ANKRD30B: variants seen among roughly 807,000 people sequenced by gnomAD.
The protein encoded by ANKRD30B is ankyrin repeat domain-containing protein 30B.
ANKRD30B carries 144 observed loss-of-function variants against 202.2 expected under a neutral mutation model. The observed-to-expected ratio is 0.71, with a 90% CI of 0.62 to 0.82. The LOEUF (loss-of-function observed/expected upper bound fraction) is 0.82. ANKRD30B is among the 40% of genes least tolerant of loss of function. The pLI is 0.00. For missense variants in ANKRD30B, 1,487 were observed against 1,669.1 expected (o/e 0.89, Z 1.90); for synonymous variants, 508 against 561.3 (o/e 0.91, Z 1.34).
chr18:14,856,327 G>T (rs1234507237), downstream of ANKRD30B, among the ~76,000 whole-genome samples: 9 of 116,336 alleles, frequency 7.7e-5, no homozygotes, highest in East Asian at 1.8e-3. Flanking sequence ...AGGCAGAGGC[G>T]CTCCTCACCT....
At chr18:14,894,214 G>C in the ANKRD30B span, among the ~76,000 whole-genome samples, 1 of 152,120 alleles carries the variant, frequency 6.6e-6, no homozygotes, top group African/African-American at 2.4e-5. Flanking sequence ...ATCACACTTG[G>C]AATGAAAAGT....
downstream of ANKRD30B, among the ~76,000 whole-genome samples, chr18:14,855,435 G>C (rs1317550421): frequency 2.0e-5 from 3 of 152,314 alleles, no homozygotes; most frequent in African/African-American, 7.2e-5. Flanking sequence ...AAGCTGTTGG[G>C]TACACCTGCA....
chr18:14,894,877 A>AG, the ANKRD30B span, among the ~76,000 whole-genome samples: 1 of 11,292 alleles, frequency 8.9e-5, no homozygotes, highest in African/African-American at 9.5e-5. Flanking sequence ...CACAACAATA[A>AG]GAAAAAAACC....
At chr18:14,934,555 A>T in the ANKRD30B span, among the ~76,000 whole-genome samples, 1 of 152,140 alleles carries the variant, frequency 6.6e-6, no homozygotes, top group Non-Finnish European at 1.5e-5. Flanking sequence ...ATGAAGACAT[A>T]GTACTCTGAA....
intron 32 of ANKRD30B, among the ~76,000 whole-genome samples, chr18:14,826,064 G>C (rs1163328221): frequency 6.6e-6 from 1 of 151,848 alleles, no homozygotes; most frequent in African/African-American, 2.4e-5. Context: ...TGGTTTATAC[G>C]TATTTCTAGC....
At chr18:14,905,112 A>C in the ANKRD30B span, among the ~76,000 whole-genome samples, 7 of 152,244 alleles carry the variant, frequency 4.6e-5, no homozygotes, top group Non-Finnish European at 1.5e-5. Flanking sequence ...CCATGGCAAT[A>C]TCAGGAAGTT....
At chr18:14,888,490 C>T in the ANKRD30B span, among the ~76,000 whole-genome samples, 1 of 151,938 alleles carries the variant, frequency 6.6e-6, no homozygotes, top group East Asian at 1.9e-4. Flanking sequence ...CCTTTAGTTA[C>T]TAAATCTGAT....
intron 7 of ANKRD30B, among the ~76,000 whole-genome samples, chr18:14,767,161 TTG>T (rs1169503887): frequency 1.3e-5 from 2 of 152,134 alleles, no homozygotes; most frequent in African/African-American, 2.4e-5. Flanking sequence ...AGGAAAAGTG[TTG>T]TCTTTTTTAT....
Position 14,807,110 on chromosome 18 carries a change from C to T in ANKRD30B, c.2285-1441C>T, listed in dbSNP as rs1437814726. ...TTTGTGTGTTTTAGAGAGTTTATGT[C>T]CCCTGAAGTGTCTTCATTACTGATC... On this transcript the variant is annotated intron_variant, in intron 24 of 43. Transcript: ENST00000690538. Among the ~76,000 whole-genome samples the T allele has an allele frequency of 3.3e-5, 5 of 150,784 alleles. 1 individual carries two copies. Among genetic ancestry groups the T allele is most frequent in the African/African-American group, 7.4e-5 (3 of 40,762 alleles).
intron 28 of ANKRD30B, among the ~76,000 whole-genome samples, chr18:14,810,639 T>C (rs1969863059): frequency 6.6e-6 from 1 of 151,188 alleles, no homozygotes. Context: ...AGTGTGTGTG[T>C]GTGTGTGACA....
At chr18:14,929,595 G>T in the ANKRD30B span, among the ~76,000 whole-genome samples, 2 of 152,132 alleles carry the variant, frequency 1.3e-5, no homozygotes, top group Admixed American at 6.5e-5. Context: ...ATAGGATACT[G>T]GGATATTTTA....
At position 14,794,405 on chromosome 18, in the gene ANKRD30B, GCC is replaced by G. The variant is rs1213903327; in HGVS notation, c.1826-1815_1826-1814del. ...TTTATCTTGTCTTAGAAAGGTCAAA[GCC>G]AGCTATTTTCTTCATAAAGGAAAAT... is the stretch of plus-strand genomic sequence containing the variant. On this transcript the variant is annotated intron_variant, in intron 16 of 43. Transcript: ENST00000690538. Among the ~76,000 whole-genome samples the G allele has an allele frequency of 2.0e-5, 3 of 151,466 alleles. No individual in the cohort carries two copies. In the South Asian group the frequency reaches 6.3e-4, roughly 32 times the overall value.
chr18:14,758,557 AG>A (rs1914744624), intron 5 of ANKRD30B, among the ~76,000 whole-genome samples: 1 of 152,150 alleles, frequency 6.6e-6, no homozygotes, highest in Non-Finnish European at 1.5e-5. Context: ...AGTTTTTTAA[AG>A]TTCACATACA....
At chr18:14,940,987 T>C in the ANKRD30B span, among the ~76,000 whole-genome samples, 3 of 152,080 alleles carry the variant, frequency 2.0e-5, no homozygotes, top group African/African-American at 4.8e-5. Flanking sequence ...CACCTGAGCT[T>C]AGGGTCACCA....
the ANKRD30B span, among the ~76,000 whole-genome samples, chr18:14,926,011 AT>A: frequency 6.6e-6 from 1 of 152,232 alleles, no homozygotes; most frequent in South Asian, 2.1e-4. Flanking sequence ...ATAAAAAAAA[AT>A]GACAACATTT....
At chr18:14,775,812 A>G (rs9748564) in intron 9 of ANKRD30B, among the ~76,000 whole-genome samples, 4,458 of 152,308 alleles carry the variant, frequency 0.029, 225 homozygotes, top group African/African-American at 0.1. Context: ...GTGGATGTCA[A>G]AAGATAAGTC....
the ANKRD30B span, among the ~76,000 whole-genome samples, chr18:14,863,262 C>T: frequency 1.6e-4 from 24 of 151,272 alleles, no homozygotes; most frequent in Admixed American, 8.6e-4. Flanking sequence ...GGTGGTGGGC[C>T]TAGTGGAAGG....
the ANKRD30B span, among the ~76,000 whole-genome samples, chr18:14,924,191 G>A: frequency 2.0e-5 from 3 of 152,194 alleles, no homozygotes; most frequent in East Asian, 5.8e-4. Flanking sequence ...ACTGTTGTTA[G>A]AAATAAAATG....
the ANKRD30B span, chr18:14,883,824 C>G: frequency 4.5e-6 from 1 of 221,328 alleles, no homozygotes; most frequent in Admixed American, 6.5e-5. Context: ...TCTTAATTAT[C>G]CTGTGTAGGA....
Sources: gnomAD v4.1 joint callset for allele counts (sites outside exome capture counted in the v4.1 genomes callset) on GRCh38, gnomAD v4.1.1 for gene constraint, MANE v1.5 for transcripts, NCBI Gene and HGNC (gene_info 2026-07-23, HGNC 2026-07-21) for gene names.